NR1H4: variants seen among roughly 807,000 people sequenced by gnomAD.
The protein encoded by NR1H4 is bile acid receptor.
A neutral mutation model predicts 58.5 loss-of-function variants in NR1H4; 23 were observed. The observed-to-expected ratio is 0.39, with a 90% confidence interval of 0.28 to 0.56. The LOEUF is 0.56. NR1H4 is among the 20% of genes least tolerant of loss of function. NR1H4 has a pLI of 0.58. For missense variants in NR1H4, 487 were observed against 576.9 expected, an observed-to-expected ratio of 0.84 and a Z score of 1.60; for synonymous variants, 214 against 198.0, an observed-to-expected ratio of 1.08 and a Z score of -0.68.
intron 1 of NR1H4, among the ~76,000 whole-genome samples, chr12:100,479,140 G>T (rs1171650974): frequency 6.6e-6 from 1 of 151,882 alleles, no homozygotes; most frequent in Non-Finnish European, 1.5e-5. Context: ...TATTTTTGGT[G>T]TTATTTATGT....
chr12:100,557,086 T>C (rs192251297), intron 9 of NR1H4, among the ~76,000 whole-genome samples: 7 of 152,326 alleles, frequency 4.6e-5, no homozygotes, highest in African/African-American at 1.4e-4. Flanking sequence ...CATGGTGCGT[T>C]AGTCTGTTTT....
At chr12:100,495,811 C>T (rs1206676250) in intron 3 of NR1H4, among the ~76,000 whole-genome samples, 2 of 152,046 alleles carry the variant, frequency 1.3e-5, no homozygotes, top group African/African-American at 2.4e-5. Context: ...TCCTTTATTC[C>T]TCTTCCTCAT....
At chr12:100,549,551 G>A (rs1287604042) in intron 9 of NR1H4, among the ~76,000 whole-genome samples, 2 of 152,140 alleles carry the variant, frequency 1.3e-5, no homozygotes, top group African/African-American at 2.4e-5. Flanking sequence ...GAGAAATGAT[G>A]AGGGTCTTGC....
chr12:100,491,849 G>T (rs1329342413), intron 1 of NR1H4, among the ~76,000 whole-genome samples: 1 of 151,662 alleles, frequency 6.6e-6, no homozygotes, highest in Non-Finnish European at 1.5e-5. Flanking sequence ...CTCTAGTATC[G>T]CCCATCTTTA....
At chr12:100,561,849 C>A in intron 9 of NR1H4, 36 bp from the exon 10 acceptor site, 1 of 892,928 alleles carries the variant, frequency 1.1e-6, no homozygotes, top group South Asian at 1.3e-5. Flanking sequence ...TTTAGTCACT[C>A]AAAAATTGTA....
intron 4 of NR1H4, among the ~76,000 whole-genome samples, chr12:100,514,363 G>A (rs920930112): frequency 7.2e-5 from 11 of 152,238 alleles, no homozygotes; most frequent in African/African-American, 2.4e-4. Flanking sequence ...AATTTCATAA[G>A]TTAAAAAGTG....
intron 9 of NR1H4, among the ~76,000 whole-genome samples, chr12:100,560,220 C>T (rs1401215281): frequency 6.6e-6 from 1 of 152,168 alleles, no homozygotes; most frequent in Non-Finnish European, 1.5e-5. Flanking sequence ...GGCCACTGGG[C>T]TCTACCAATC....
chr12:100,532,909 C>T (rs1954729479), intron 5 of NR1H4, among the ~76,000 whole-genome samples: 1 of 152,130 alleles, frequency 6.6e-6, no homozygotes, highest in Admixed American at 6.5e-5. Flanking sequence ...CGAATGACAT[C>T]TAAAAGTTTC....
At chr12:100,545,974 C>T (rs1955060900) in intron 9 of NR1H4, among the ~76,000 whole-genome samples, 2 of 152,140 alleles carry the variant, frequency 1.3e-5, no homozygotes, top group South Asian at 4.1e-4. Flanking sequence ...CAGATCACAG[C>T]ACAGTCCTGA....
In NR1H4 at chr12:100,494,638, C is replaced by G. The variant is rs115815807; in HGVS notation, c.79+1236C>G. Among the ~76,000 whole-genome samples the G allele has an allele frequency of 8.5e-3, 1,291 of 152,372 alleles. 20 individuals are homozygous for G. The highest frequency in any genetic ancestry group is 0.029 in the African/African-American group (1,213 of 41,582). ...CTTATCTTCATCCTGTAGATGCAGT[C>G]AAGGGCAGTGGGAGGCCCTGCCTCC... On this transcript the variant is annotated intron_variant, in intron 3 of 10. Transcript: ENST00000392986.
Position 100,532,608 on chromosome 12 carries a change from CAGGT to C in NR1H4, c.598_598+3del. The C allele has an allele frequency of 6.2e-7, 1 of 1,613,734 alleles. No individual in the cohort carries two copies. On this transcript the variant is annotated splice_donor_variant and coding_sequence_variant, in exon 5 of 11. Coordinates refer to ENST00000392986, the MANE Select transcript of NR1H4 (RefSeq NM_001206979.2). LOFTEE classifies it high-confidence loss of function. The stretch of plus-strand genomic sequence containing the variant: ...GGAATGTTGGCTGAATGTATGTATA[CAGGT>C]ATTCACTTCAAGCAATTACATTTCA...
At chr12:100,548,465 T>C (rs1006636415) in intron 9 of NR1H4, among the ~76,000 whole-genome samples, 1 of 152,064 alleles carries the variant, frequency 6.6e-6, no homozygotes, top group South Asian at 2.1e-4. Context: ...GCTTTCTGAC[T>C]CATGTCATCT....
chr12:100,560,539 C>T (rs1045629875), intron 9 of NR1H4, among the ~76,000 whole-genome samples: 19 of 152,118 alleles, frequency 1.2e-4, no homozygotes, highest in Admixed American at 3.9e-4. Context: ...ACTCCTGAGC[C>T]AGCGAGACCA....
intron 9 of NR1H4, among the ~76,000 whole-genome samples, chr12:100,547,866 G>T (rs967570613): frequency 2.0e-5 from 3 of 151,412 alleles, no homozygotes; most frequent in Non-Finnish European, 4.4e-5. Flanking sequence ...GACTACCGGG[G>T]CGTGCCCCCA....
chr12:100,483,525 AT>A (rs1279111021), intron 1 of NR1H4, among the ~76,000 whole-genome samples: 1 of 152,146 alleles, frequency 6.6e-6, no homozygotes, highest in African/African-American at 2.4e-5. Flanking sequence ...TGTTGGCCAT[AT>A]GTTGTCCTTG....
In NR1H4 at chr12:100,561,971, C is replaced by T. The variant is rs1057215011; in HGVS notation, c.1165C>T (p.Leu389Phe). ...LKMTQEEYALLTAIVILSPDR... is the reference protein window; with the variant it reads ...LKMTQEEYALFTAIVILSPDR... ...AATGACTCAAGAGGAGTATGCTCTG[C>T]TTACAGCAATTGTTATCCTGTCTCC... Residue 389 changes from leucine (L) to phenylalanine (F), a missense_variant, in exon 10 of 11, where the codon CTT (leucine) becomes TTT (phenylalanine). By Grantham distance (22) the Leu-to-Phe change is conservative. Transcript: ENST00000392986. 11 of 1,556,056 alleles carry T rather than the reference C, an allele frequency of 7.1e-6. No individual in the cohort carries two copies. Among genetic ancestry groups the T allele is most frequent in the South Asian group, 1.1e-5 (1 of 89,882 alleles).
intron 1 of NR1H4, among the ~76,000 whole-genome samples, chr12:100,482,059 A>G (rs1306740148): frequency 2.0e-5 from 3 of 152,184 alleles, no homozygotes; most frequent in Non-Finnish European, 4.4e-5. Context: ...CTAAGATCGC[A>G]CCACTGCATT....
chr12:100,526,644 A>G (rs1690554654), intron 4 of NR1H4, among the ~76,000 whole-genome samples: 1 of 152,228 alleles, frequency 6.6e-6, no homozygotes, highest in Non-Finnish European at 1.5e-5. Context: ...CAACTCAGCC[A>G]CAGTCCAGCA....
intron 1 of NR1H4, among the ~76,000 whole-genome samples, chr12:100,486,152 G>A (rs1366782466): frequency 1.3e-5 from 2 of 152,172 alleles, no homozygotes; most frequent in Non-Finnish European, 2.9e-5. Flanking sequence ...AGTAGTTCCA[G>A]GTCATGCGTG....
Sources: gnomAD v4.1 joint callset for allele counts (sites outside exome capture counted in the v4.1 genomes callset) on GRCh38, gnomAD v4.1.1 for gene constraint, MANE v1.5 for transcripts, NCBI Gene and HGNC (gene_info 2026-07-23, HGNC 2026-07-21) for gene names.